Variants in TOP1 observed in about 807,000 individuals in gnomAD.
TOP1 encodes DNA topoisomerase I.
Under a neutral mutation model 111.1 loss-of-function variants are expected in TOP1, and 10 were observed. That is an observed-to-expected ratio of 0.09 (90% CI 0.06 to 0.15). The LOEUF (loss-of-function observed/expected upper bound fraction) is 0.15, where lower values mean the gene tolerates loss of function less well. TOP1 is among the 10% of genes least tolerant of loss of function. The pLI is 1.00. For synonymous variants in TOP1, 271 were observed against 302.9 expected (o/e 0.89, Z 1.10); for missense variants, 474 against 926.7 (o/e 0.51, Z 6.34).
chr20:41,033,608 C>G (rs1291396196), intron 2 of TOP1, among the ~76,000 whole-genome samples: 2 of 152,010 alleles, frequency 1.3e-5, no homozygotes, highest in African/African-American at 2.4e-5. Context: ...TATATAGTAA[C>G]AGTTGTCCCT....
In TOP1 at chr20:41,029,388, TA is replaced by T; in HGVS notation, c.34-40del. ...CGCGCGCGCTCGCCGCCGGAGGGGT[TA>T]AAGTGGCTGTTGTTTGATATTCTCT... On this transcript the variant is annotated intron_variant, in intron 1 of 20. Coordinates refer to ENST00000361337, the MANE Select transcript of TOP1 (RefSeq NM_003286.4). The surrounding 1 kb of genome is among the most constrained non-coding windows in gnomAD (Gnocchi z 6.1). 1 of 1,450,536 alleles carries T rather than the reference TA, an allele frequency of 6.9e-7. No individual in the cohort carries two copies. 89.9% of individuals were successfully genotyped at this position (1,450,536 alleles called of 1,614,324 possible).
rs2034146832 is a variant in TOP1, at chr20:41,106,447, A to G, written c.1308+5094A>G. On this transcript the variant is annotated intron_variant, in intron 13 of 20. Coordinates refer to ENST00000361337, the MANE Select transcript of TOP1 (RefSeq NM_003286.4). This position sits in a 1 kb window ranked among gnomAD's most constrained non-coding sequence, Gnocchi z 4.3. The stretch of plus-strand genomic sequence containing the variant: ...ACAAATTCTAATAAAAACTGTTGAG[A>G]TTTTTATTGGAATTGCAATACATTT... Among the ~76,000 whole-genome samples the G allele has an allele frequency of 1.3e-5, 2 of 152,208 alleles. No homozygotes were observed. Among genetic ancestry groups the G allele is most frequent in the South Asian group, 4.1e-4 (2 of 4,836 alleles).
At position 41,098,442 on chromosome 20, in the gene TOP1, C is replaced by T; in HGVS notation, c.975+105C>T. On this transcript the variant is annotated intron_variant, in intron 11 of 20. Coordinates refer to ENST00000361337, the MANE Select transcript of TOP1 (RefSeq NM_003286.4). The surrounding 1 kb of genome is among the most constrained non-coding windows in gnomAD (Gnocchi z 5.7). The stretch of plus-strand genomic sequence containing the variant: ...CACAACATTAACATCAGTAATTTCA[C>T]ATCATTCTATGCTAAAGACTTAGAG... 2 of 1,262,030 alleles carry T rather than the reference C, an allele frequency of 1.6e-6. No individual in the cohort carries two copies. Among genetic ancestry groups the T allele is most frequent in the Non-Finnish European group, 1.1e-6 (1 of 902,478 alleles). The allele number at this position is 1,262,030 out of a possible 1,614,324, so 78.2% of individuals were successfully genotyped here.
chr20:41,091,550 AC>A (rs200673043), intron 8 of TOP1, among the ~76,000 whole-genome samples: 1,870 of 125,314 alleles, frequency 0.015, 43 homozygotes, highest in African/African-American at 0.052. Flanking sequence ...CAAATTATTA[AC>A]CTTTTTTTTT....
intron 8 of TOP1, among the ~76,000 whole-genome samples, chr20:41,089,020 C>CTATTTGTTTTTTTTTTTTTTTTTTT (rs2033883383): frequency 1.3e-5 from 1 of 77,926 alleles, no homozygotes; most frequent in Non-Finnish European, 2.2e-5. Flanking sequence ...TGCCCCAGTT[C>CTATTTGTTTTTTTTTTTTTTTTTTT]TTTTTTTTTT....
Position 41,120,104 on chromosome 20 carries a change from G to A in TOP1, c.1951-1592G>A, listed in dbSNP as rs187211253. Among the ~76,000 whole-genome samples the A allele has an allele frequency of 5.9e-5, 9 of 152,342 alleles. No homozygotes were observed. The East Asian group carries it at 1.5e-3, about 26-fold the overall frequency. On this transcript the variant is annotated intron_variant, in intron 18 of 20. Coordinates refer to ENST00000361337, the MANE Select transcript of TOP1 (RefSeq NM_003286.4). The stretch of plus-strand genomic sequence containing the variant: ...CCCCTGTTTGCCAAGTGAATCAATG[G>A]AGTCTTTGATGCTTTGAGAGAATTT...
chr20:41,104,519 A>C (rs1038757814), intron 13 of TOP1, among the ~76,000 whole-genome samples: 3 of 152,246 alleles, frequency 2.0e-5, no homozygotes, highest in Admixed American at 6.5e-5. Context: ...TAGATAGACC[A>C]GGTGAAATGC....
Position 41,098,060 on chromosome 20 carries a change from T to G in TOP1, c.853-155T>G, listed in dbSNP as rs1168534979. Among the ~76,000 whole-genome samples, 1 of 152,210 alleles carries G rather than the reference T, an allele frequency of 6.6e-6. No homozygotes were observed. Among genetic ancestry groups the G allele is most frequent in the East Asian group, 1.9e-4 (1 of 5,204 alleles). On this transcript the variant is annotated intron_variant, in intron 10 of 20. Transcript: ENST00000361337. This position sits in a 1 kb window ranked among gnomAD's most constrained non-coding sequence, Gnocchi z 5.7. ...TTATAATAAAGTAATACAACTGTAT[T>G]TTTTTGTTTTTTCAAAATTCATTAA... is the stretch of plus-strand genomic sequence containing the variant.
At chr20:41,050,663 A>T (rs924719182) in intron 2 of TOP1, among the ~76,000 whole-genome samples, 1 of 152,176 alleles carries the variant, frequency 6.6e-6, no homozygotes, top group African/African-American at 2.4e-5. Context: ...GTTGGGGAAT[A>T]CTTGTTTTTA....
At chr20:41,090,379 A>G (rs1384659000) in intron 8 of TOP1, among the ~76,000 whole-genome samples, 1 of 152,154 alleles carries the variant, frequency 6.6e-6, no homozygotes, top group Non-Finnish European at 1.5e-5. Context: ...AGCTGTTTAT[A>G]TATTTTGTAT....
intron 2 of TOP1, among the ~76,000 whole-genome samples, chr20:41,055,105 A>T (rs2033454648): frequency 6.6e-6 from 1 of 152,190 alleles, no homozygotes. Flanking sequence ...TTTTATCAAG[A>T]TTGCTTTATT....
chr20:41,029,162 C>A lies in TOP1; in HGVS notation c.33+62C>A. On this transcript the variant is annotated intron_variant, in intron 1 of 20. Coordinates refer to ENST00000361337, the MANE Select transcript of TOP1 (RefSeq NM_003286.4). The surrounding 1 kb of genome is among the most constrained non-coding windows in gnomAD (Gnocchi z 6.1). ...GGCCTGGCCGTCCCGCGACCCCCGG[C>A]GCAGGCCCCGACCCCAGCCCCGGCC... 2 of 1,301,098 alleles carry A rather than the reference C, an allele frequency of 1.5e-6. No homozygotes were observed. The allele number at this position is 1,301,098 out of a possible 1,614,324, so 80.6% of individuals were successfully genotyped here. A position where few individuals can be genotyped will look rare whatever the true frequency, so the allele number is the denominator to read the frequency against.
chr20:41,097,110 A>G lies in TOP1; in HGVS notation c.731-110A>G. 2 of 1,189,532 alleles carry G rather than the reference A, an allele frequency of 1.7e-6. No homozygotes were observed. Among genetic ancestry groups the G allele is most frequent in the Non-Finnish European group, 2.4e-6 (2 of 849,912 alleles). 73.7% of individuals were successfully genotyped at this position (1,189,532 alleles called of 1,614,324 possible). ...TGCTACTATGTGTCACCAGACCTTT[A>G]TATACCATGAGAAGGCAAACCATTA... On this transcript the variant is annotated intron_variant, in intron 9 of 20. Coordinates refer to ENST00000361337, the MANE Select transcript of TOP1 (RefSeq NM_003286.4). The surrounding 1 kb of genome is among the most constrained non-coding windows in gnomAD (Gnocchi z 4.2).
At position 41,100,082 on chromosome 20, in the gene TOP1, A is replaced by G; in HGVS notation, c.1002A>G (p.Leu334=). The change falls in exon 12 of 21, where the codon TTA becomes TTG. Residue 334 remains leucine, a synonymous_variant. Transcript: ENST00000361337. This position sits in a 1 kb window ranked among gnomAD's most constrained non-coding sequence, Gnocchi z 4.4. Reference sequence around the variant, plus strand: ...AAATCAAAGAGGAGAATGAAAAATTACTGAAAGAATATGGATTCTGTATTA... The same window carrying G: ...AAATCAAAGAGGAGAATGAAAAATTGCTGAAAGAATATGGATTCTGTATTA... ...KLKIKEENEK[L]LKEYGFCIMD... The G allele has an allele frequency of 1.2e-6, 2 of 1,609,986 alleles. No homozygotes were observed. Among genetic ancestry groups the G allele is most frequent in the Non-Finnish European group, 1.7e-6 (2 of 1,177,538 alleles).
intron 2 of TOP1, among the ~76,000 whole-genome samples, chr20:41,056,121 G>A (rs2145924064): frequency 6.6e-6 from 1 of 152,272 alleles, no homozygotes; most frequent in South Asian, 2.1e-4. Flanking sequence ...AGTATTATAA[G>A]CAAATTCCAG....
intron 14 of TOP1, among the ~76,000 whole-genome samples, 184 bp downstream of exon 14, chr20:41,113,109 CTTTT>C (rs373560590): frequency 6.6e-6 from 1 of 152,174 alleles, no homozygotes; most frequent in South Asian, 2.1e-4. Flanking sequence ...AGATTCTGAT[CTTTT>C]TTTAACTCTA....
chr20:41,113,118 ACT>A (rs1453885927), intron 14 of TOP1, among the ~76,000 whole-genome samples, 193 bp downstream of exon 14: 1 of 152,124 alleles, frequency 6.6e-6, no homozygotes, highest in African/African-American at 2.4e-5. Context: ...TCTTTTTTTA[ACT>A]CTATTTCATT....
chr20:41,093,179 A>G (rs1293255051), intron 9 of TOP1, among the ~76,000 whole-genome samples: 1 of 152,146 alleles, frequency 6.6e-6, no homozygotes, highest in African/African-American at 2.4e-5. Context: ...ATTGTCCCTT[A>G]TCTGTCGTTG....
At chr20:41,081,296 A>G (rs920385222) in intron 7 of TOP1, 56 bp downstream of exon 7, 13 of 1,544,872 alleles carry the variant, frequency 8.4e-6, no homozygotes, top group South Asian at 7.4e-5. Flanking sequence ...GGAGTTTTCC[A>G]GTAAGCAACT....
Sources: allele counts gnomAD v4.1 joint callset (sites outside exome capture counted in the v4.1 genomes callset), GRCh38; gene constraint gnomAD v4.1.1; non-coding constraint Gnocchi (gnomAD v3.1); transcripts MANE v1.5; gene names NCBI Gene and HGNC (gene_info 2026-07-23, HGNC 2026-07-21).